The following RNF212B variants were observed in gnomAD, a reference collection of about 807,000 sequenced individuals.
RNF212B encodes E3 ubiquitin-protein ligase RNF212B.
Under a neutral mutation model 55.5 loss-of-function variants are expected in RNF212B, and 52 were observed. That is an observed-to-expected ratio of 0.94 (90% CI 0.75 to 1.18). The LOEUF (loss-of-function observed/expected upper bound fraction) is 1.18, where lower values mean the gene tolerates loss of function less well. Ranked by LOEUF, RNF212B falls within the 50% of genes most tolerant of loss-of-function variation. The pLI, the probability that RNF212B is intolerant of heterozygous loss-of-function variation, is 0.00. For synonymous variants in RNF212B, 99 were observed against 121.4 expected (o/e 0.82, Z 1.21); for missense variants, 289 against 350.4 (o/e 0.82, Z 1.40).
intron 13 of RNF212B, 104 bp from the exon 14 acceptor site, chr14:23,270,496 A>G: frequency 1.3e-6 from 1 of 756,884 alleles, no homozygotes. Context: ...TTCCCTTCTG[A>G]GTAGTGTTCC....
chr14:23,242,064 A>G (rs1883614848), intron 2 of RNF212B, among the ~76,000 whole-genome samples: 1 of 140,910 alleles, frequency 7.1e-6, no homozygotes, highest in Non-Finnish European at 1.5e-5. Flanking sequence ...CCTGGGCGAC[A>G]GAGCAAGACT....
At chr14:23,221,839 T>G (rs1245588017) in intron 2 of RNF212B, among the ~76,000 whole-genome samples, 1 of 152,160 alleles carries the variant, frequency 6.6e-6, no homozygotes, top group Non-Finnish European at 1.5e-5. Context: ...GGAGGAATTT[T>G]GGAAAGTATA....
At chr14:23,203,482 CTT>C (rs35208170) in intron 2 of RNF212B, among the ~76,000 whole-genome samples, 2,421 of 118,996 alleles carry the variant, frequency 0.02, 11 homozygotes, top group East Asian at 0.062. Context: ...TTTAGTCCCC[CTT>C]TTTTTTTTTT....
upstream of RNF212B, among the ~76,000 whole-genome samples, chr14:23,236,006 C>T (rs1034143570): frequency 6.6e-6 from 1 of 152,158 alleles, no homozygotes; most frequent in Admixed American, 6.5e-5. Context: ...CATTTAAATA[C>T]CATTCTCTTT....
chr14:23,263,296 T>C (rs8009209), intron 9 of RNF212B, among the ~76,000 whole-genome samples: 59,082 of 152,034 alleles, frequency 0.39, 11,575 homozygotes, highest in East Asian at 0.42. Context: ...AGAGTGAGGG[T>C]TGACATTTCA....
At chr14:23,213,170 G>A (rs887838507) in intron 2 of RNF212B, among the ~76,000 whole-genome samples, 4 of 151,732 alleles carry the variant, frequency 2.6e-5, no homozygotes, top group South Asian at 2.1e-4. Flanking sequence ...AAAATTAGCC[G>A]GGCGTGGTGG....
chr14:23,229,261 T>TATATATATATATATATACAC (rs558232357), intron 2 of RNF212B, among the ~76,000 whole-genome samples: 1 of 127,182 alleles, frequency 7.9e-6, no homozygotes, highest in Non-Finnish European at 1.7e-5. Context: ...TATATATATA[T>TATATATATATATATATACAC]ACCACATTGT....
chr14:23,197,418 T>G (rs1283000014), intron 2 of RNF212B, among the ~76,000 whole-genome samples: 1 of 152,108 alleles, frequency 6.6e-6, no homozygotes, highest in Non-Finnish European at 1.5e-5. Context: ...TCCCAGCTAC[T>G]TGGGAGGTCG....
At chr14:23,270,460 C>A in intron 13 of RNF212B, 140 bp from the exon 14 acceptor site, 3 of 660,808 alleles carry the variant, frequency 4.5e-6, no homozygotes, top group Non-Finnish European at 5.5e-6. Context: ...GACTTTATAT[C>A]CCATCTCTTA....
chr14:23,218,079 A>G (rs539162853), intron 2 of RNF212B, among the ~76,000 whole-genome samples: 3 of 152,230 alleles, frequency 2.0e-5, no homozygotes, highest in African/African-American at 7.2e-5. Context: ...CTAGAGTTGA[A>G]AATTGCAGGC....
intron 2 of RNF212B, among the ~76,000 whole-genome samples, chr14:23,208,850 C>A (rs1386782677): frequency 1.3e-5 from 2 of 148,374 alleles, no homozygotes; most frequent in Non-Finnish European, 1.5e-5. Context: ...GCTCTGCCTC[C>A]CAGGTTCACG....
rs1192010590 is a variant in RNF212B at position 23,262,956 on chromosome 14, C to T, written c.510C>T (p.Ser170=). The change falls in exon 9 of 15, where the codon AGC becomes AGT. Residue 170 remains serine, a synonymous_variant. Transcript: ENST00000430154. The part of the protein sequence containing the change: ...SVTPRPSFQH[S]SQVVSRSSSA... ...CCCCACGACCCAGTTTCCAGCATAG[C>T]AGTCAAGTGGTCAGGTAAACCTACA... 2 of 1,550,304 alleles carry T rather than the reference C, an allele frequency of 1.3e-6. No individual in the cohort carries two copies. Among genetic ancestry groups the T allele is most frequent in the South Asian group, 2.4e-5 (2 of 84,060 alleles).
chr14:23,225,876 G>A (rs1435706272), intron 2 of RNF212B, among the ~76,000 whole-genome samples: 1 of 151,990 alleles, frequency 6.6e-6, no homozygotes, highest in Non-Finnish European at 1.5e-5. Context: ...AAAGCACGAG[G>A]GGATCGATAC....
chr14:23,234,332 T>C (rs186034993), upstream of RNF212B, among the ~76,000 whole-genome samples: 1,390 of 152,198 alleles, frequency 9.1e-3, 14 homozygotes, highest in Non-Finnish European at 0.014. Flanking sequence ...AAAAAGTTTT[T>C]TTTAAAATTA....
intron 2 of RNF212B, among the ~76,000 whole-genome samples, chr14:23,212,002 A>G (rs1880568908): frequency 6.6e-6 from 1 of 152,212 alleles, no homozygotes; most frequent in Admixed American, 6.5e-5. Context: ...TGCTGGGATT[A>G]CAGGCATGAG....
At position 23,208,757 on chromosome 14, in the gene RNF212B, G is replaced by GT. The variant is rs1166613606; in HGVS notation, c.-2+15375dup. On this transcript the variant is annotated intron_variant, in intron 2 of 15. Transcript: ENST00000399910. ...GCAGTCCCAAGGGCTGCTGGTTGCC[G>GT]TTTTTTTTTTTTTTTTTTTGAGACG... is the stretch of plus-strand genomic sequence containing the variant. 4.2e-3 allele frequency among the ~76,000 whole-genome samples: 416 copies of GT among 98,094 alleles called. 36 individuals carry two copies. The highest frequency in any genetic ancestry group is 0.016 in the East Asian group (50 of 3,072). 64.4% of individuals were successfully genotyped at this position (98,094 alleles called of 152,430 possible).
intron 2 of RNF212B, among the ~76,000 whole-genome samples, chr14:23,222,859 C>T (rs1881683806): frequency 6.6e-6 from 1 of 151,898 alleles, no homozygotes; most frequent in African/African-American, 2.4e-5. Flanking sequence ...TCGAGACCTG[C>T]CTGGCTAACA....
At position 23,226,881 on chromosome 14, in the gene RNF212B, A is replaced by C. The variant is rs1258702899; in HGVS notation, c.-1-13464A>C. 2.1e-5 allele frequency among the ~76,000 whole-genome samples: 3 copies of C among 144,670 alleles called. No homozygotes were observed. In the East Asian group the frequency reaches 6.1e-4, roughly 29 times the overall value. The allele number at this position is 144,670 out of a possible 152,430, so 94.9% of individuals were successfully genotyped here. On this transcript the variant is annotated intron_variant, in intron 2 of 15. Transcript: ENST00000399910. The stretch of plus-strand genomic sequence containing the variant: ...TGGTCTTGAACTCCTGAGCTCAAGT[A>C]ATCCTCCGGGTTTGGCCTCTCAGAC...
chr14:23,262,860 A>G (rs1885399130), intron 8 of RNF212B, 68 bp from the exon 9 acceptor site: 3 of 1,494,644 alleles, frequency 2.0e-6, no homozygotes, highest in Non-Finnish European at 2.7e-6. Context: ...CATGTACAAC[A>G]AATTGGCCAG....
Sources: gnomAD v4.1 joint callset for allele counts (sites outside exome capture counted in the v4.1 genomes callset) on GRCh38, gnomAD v4.1.1 for gene constraint, MANE v1.5 for transcripts, NCBI Gene and HGNC (gene_info 2026-07-23, HGNC 2026-07-21) for gene names.